Variants in DOCK10 observed in about 807,000 individuals in gnomAD.
DOCK10 encodes the protein dedicator of cytokinesis protein 10.
Under a neutral mutation model 280.1 loss-of-function variants are expected in DOCK10, and 145 were observed. The observed-to-expected ratio is 0.52, with a 90% CI of 0.45 to 0.59. DOCK10 has a LOEUF of 0.59. Among genes scored for constraint, DOCK10 ranks in the 20% least tolerant of loss-of-function variants. The pLI is 0.00. For missense variants in DOCK10, 2,368 were observed against 2,651.7 expected, an observed-to-expected ratio of 0.89 and a Z score of 2.35; for synonymous variants, 915 against 942.2, an observed-to-expected ratio of 0.97 and a Z score of 0.53.
intron 3 of DOCK10, among the ~76,000 whole-genome samples, chr2:224,904,815 C>A (rs1262175670): frequency 6.6e-6 from 1 of 151,706 alleles, no homozygotes. Flanking sequence ...AATATGTGGT[C>A]CAAAATTAAA....
intron 3 of DOCK10, among the ~76,000 whole-genome samples, chr2:224,897,345 T>G (rs1700044772): frequency 6.6e-6 from 1 of 152,342 alleles, no homozygotes; most frequent in Non-Finnish European, 1.5e-5. Context: ...TAATGTGTAA[T>G]AACCACATCA....
intron 47 of DOCK10, among the ~76,000 whole-genome samples, chr2:224,790,061 G>A (rs1221400867): frequency 6.6e-6 from 1 of 152,176 alleles, no homozygotes; most frequent in African/African-American, 2.4e-5. Context: ...GATTACAGGC[G>A]TGAGCCACTG....
intron 19 of DOCK10, 99 bp downstream of exon 19, chr2:224,849,408 T>C: frequency 2.6e-6 from 2 of 764,248 alleles, no homozygotes; most frequent in Non-Finnish European, 4.3e-6. Context: ...GTCCTTAGTC[T>C]GATGAGGTCT....
intron 1 of DOCK10, among the ~76,000 whole-genome samples, chr2:224,961,428 T>TTCTTTCTTTCTTTCTTTCTTTCTTTC: frequency 8.0e-6 from 1 of 124,688 alleles, no homozygotes; most frequent in Admixed American, 8.7e-5. Context: ...CTTTCTTTCT[T>TTCTTTCTTTCTTTCTTTCTTTCTTTC]TCTTTCTTTC....
chr2:224,819,723 T>C (rs939207071), intron 28 of DOCK10, among the ~76,000 whole-genome samples, 194 bp from the exon 29 acceptor site: 1 of 152,054 alleles, frequency 6.6e-6, no homozygotes, highest in Admixed American at 6.5e-5. Context: ...ACAATTTATA[T>C]TAAAAATGAA....
chr2:224,779,236 G>A (rs1014031456), intron 50 of DOCK10, among the ~76,000 whole-genome samples: 2 of 105,520 alleles, frequency 1.9e-5, no homozygotes, highest in Non-Finnish European at 3.9e-5. Flanking sequence ...TTTTTTTTTT[G>A]GCAGAGTCTT....
chr2:224,820,938 A>G (rs1430563027), intron 28 of DOCK10, among the ~76,000 whole-genome samples: 1 of 152,248 alleles, frequency 6.6e-6, no homozygotes, highest in Non-Finnish European at 1.5e-5. Context: ...ATCAGAATGA[A>G]TCAGCCTTTG....
At chr2:224,810,476 C>T (rs1444895600) in intron 31 of DOCK10, among the ~76,000 whole-genome samples, 3 of 151,472 alleles carry the variant, frequency 2.0e-5, no homozygotes, top group African/African-American at 4.9e-5. Context: ...CTATTTTTTT[C>T]TTTTTTTAAA....
intron 1 of DOCK10, among the ~76,000 whole-genome samples, chr2:224,979,083 T>C (rs1052440309): frequency 9.2e-5 from 14 of 152,300 alleles, no homozygotes; most frequent in African/African-American, 3.4e-4. Context: ...TTGCAACCGC[T>C]TCCTAATTAA....
intron 1 of DOCK10, among the ~76,000 whole-genome samples, chr2:224,961,924 TAAG>T (rs907145626): frequency 6.6e-6 from 1 of 152,174 alleles, no homozygotes; most frequent in African/African-American, 2.4e-5. Context: ...TTTTTTAGCA[TAAG>T]AAGATGTCAG....
chr2:224,856,627 G>T (rs981789773), intron 15 of DOCK10, among the ~76,000 whole-genome samples: 1 of 152,156 alleles, frequency 6.6e-6, no homozygotes, highest in Non-Finnish European at 1.5e-5. Flanking sequence ...TTTTGAGGTG[G>T]TTTGTTACAC....
chr2:224,843,340 G>A (rs944732360), intron 22 of DOCK10, among the ~76,000 whole-genome samples: 5 of 152,300 alleles, frequency 3.3e-5, no homozygotes, highest in Admixed American at 2.6e-4. Context: ...GTGTTGTGGT[G>A]AGTCAGAGAC....
At chr2:224,960,981 G>A (rs988390526) in intron 1 of DOCK10, among the ~76,000 whole-genome samples, 7 of 151,746 alleles carry the variant, frequency 4.6e-5, no homozygotes, top group South Asian at 2.1e-4. Context: ...CTCGTGATCC[G>A]CCTGTCTCGG....
At chr2:224,839,593 G>C (rs1695823902) in intron 24 of DOCK10, among the ~76,000 whole-genome samples, 1 of 152,172 alleles carries the variant, frequency 6.6e-6, no homozygotes, top group East Asian at 1.9e-4. Flanking sequence ...ACATGAAAAA[G>C]CCAATTACAA....
At chr2:224,852,749 A>G (rs1696832557) in intron 17 of DOCK10, among the ~76,000 whole-genome samples, 186 bp downstream of exon 17, 1 of 152,240 alleles carries the variant, frequency 6.6e-6, no homozygotes, top group Admixed American at 6.5e-5. Flanking sequence ...ATATGCTACG[A>G]AACTGCATCC....
rs1705049139 is a variant in DOCK10 at position 224,970,979 on chromosome 2, G to C, written c.124-39311C>G. 6.6e-6 allele frequency among the ~76,000 whole-genome samples: 1 copy of C among 152,174 alleles called. No homozygotes were observed. The highest frequency in any genetic ancestry group is 2.4e-5 in the African/African-American group (1 of 41,454). On this transcript the variant is annotated intron_variant, in intron 1 of 55. Transcript: ENST00000258390. The surrounding 1 kb of genome is among the most constrained non-coding windows in gnomAD (Gnocchi z 4.6). ...GGAGGAAATACCATGTAGTTAAAAA[G>C]AATGTGGGTCTCATCATTTTGAGAC... is the stretch of plus-strand genomic sequence containing the variant.
chr2:224,902,739 T>C (rs976217083), intron 3 of DOCK10, among the ~76,000 whole-genome samples: 1 of 151,348 alleles, frequency 6.6e-6, no homozygotes, highest in African/African-American at 2.4e-5. Context: ...GATCACACCA[T>C]GTGTTCTTTT....
chr2:224,814,714 G>C (rs1013786148), intron 30 of DOCK10, among the ~76,000 whole-genome samples: 1 of 152,064 alleles, frequency 6.6e-6, no homozygotes, highest in Non-Finnish European at 1.5e-5. Flanking sequence ...TAGAGATGGG[G>C]TTTTGCCATG....
chr2:224,825,279 G>A (rs1441397011), intron 27 of DOCK10, among the ~76,000 whole-genome samples: 1 of 152,078 alleles, frequency 6.6e-6, no homozygotes. Flanking sequence ...CGCCTGGCCA[G>A]ACTGGCTTCT....
Sources: gnomAD v4.1 joint callset for allele counts (sites outside exome capture counted in the v4.1 genomes callset) on GRCh38, gnomAD v4.1.1 for gene constraint, Gnocchi (gnomAD v3.1) non-coding constraint, MANE v1.5 for transcripts, NCBI Gene and HGNC (gene_info 2026-07-23, HGNC 2026-07-21) for gene names.